The following TIAM1 variants were observed in gnomAD, a reference collection of about 807,000 sequenced individuals.
TIAM1 encodes the protein TIAM Rac1 associated GEF 1, also known as rho guanine nucleotide exchange factor TIAM1.
A neutral mutation model predicts 163.5 loss-of-function variants in TIAM1; 65 were observed. That is an observed-to-expected ratio of 0.40 (90% CI 0.33 to 0.49). TIAM1 has a LOEUF of 0.49. Ranked by LOEUF, TIAM1 falls within the 20% of genes least tolerant of loss-of-function variation. The pLI, the probability that TIAM1 is intolerant of heterozygous loss-of-function variation, is 0.77. For synonymous variants in TIAM1, 833 were observed against 810.1 expected (o/e 1.03, Z -0.48); for missense variants, 1,789 against 2,044.7 (o/e 0.87, Z 2.41).
rs573349478 is a variant in TIAM1, at chr21:31,225,172, A to AT, written c.1809+553dup. Among the ~76,000 whole-genome samples the AT allele has an allele frequency of 4.3e-4, 65 of 151,594 alleles. 2 individuals carry two copies. The South Asian group carries it at 0.012, about 27-fold the overall frequency. On this transcript the variant is annotated intron_variant, in intron 7 of 27. Coordinates refer to ENST00000541036, the MANE Select transcript of TIAM1 (RefSeq NM_001353694.2). ...GACTACAGTTGCGGCTAATTTTTGT[A>AT]TTTTTTTTGTAGAGATAGGGTTTTG...
intron 1 of TIAM1, among the ~76,000 whole-genome samples, chr21:31,554,870 A>G (rs2048820136): frequency 1.3e-5 from 2 of 152,104 alleles, no homozygotes; most frequent in Admixed American, 6.6e-5. Context: ...TCACACACGC[A>G]CTGGAGGAAT....
chr21:31,406,324 C>T (rs892170082), intron 2 of TIAM1, among the ~76,000 whole-genome samples: 1 of 152,124 alleles, frequency 6.6e-6, no homozygotes, highest in African/African-American at 2.4e-5. Context: ...GAATTTGATG[C>T]TAAAGAGGTC....
At chr21:31,396,836 A>G (rs1569296060) in intron 2 of TIAM1, among the ~76,000 whole-genome samples, 1 of 151,902 alleles carries the variant, frequency 6.6e-6, no homozygotes, top group Non-Finnish European at 1.5e-5. Flanking sequence ...CTGTAATCCG[A>G]GCTACTCAGG....
chr21:31,271,895 G>GATCCCTCT (rs1397036153), intron 3 of TIAM1, among the ~76,000 whole-genome samples: 3 of 152,122 alleles, frequency 2.0e-5, no homozygotes, highest in Admixed American at 6.6e-5. Context: ...CCAACACCAT[G>GATCCCTCT]ATCCCTCTCT....
intron 1 of TIAM1, among the ~76,000 whole-genome samples, chr21:31,545,447 G>T (rs2048456852): frequency 6.6e-6 from 1 of 152,204 alleles, no homozygotes; most frequent in Non-Finnish European, 1.5e-5. Flanking sequence ...AACTAACAAA[G>T]ACATGAATTA....
In TIAM1 at chr21:31,266,046, G is replaced by A; in HGVS notation, c.927C>T (p.Ser309=). 6.2e-7 allele frequency: 1 copy of A among 1,614,192 alleles called. No individual in the cohort carries two copies. The highest frequency in any genetic ancestry group is 8.5e-7 in the Non-Finnish European group (1 of 1,180,034). Reference sequence around the variant, plus strand: ...TAGCTCTTCTGCCTTGCATGCTGTTGCTATGGCTAATTTGTGGGTTGGTGG... The same window carrying A: ...TAGCTCTTCTGCCTTGCATGCTGTTACTATGGCTAATTTGTGGGTTGGTGG... The part of the protein sequence containing the change: ...EGATNPQISH[S]NSMQGRRAKT... Residue 309 remains serine, a synonymous_variant, in exon 4 of 28, where the codon AGC becomes AGT. Coordinates refer to ENST00000541036, the MANE Select transcript of TIAM1 (RefSeq NM_001353694.2).
chr21:31,158,332 C>A lies in TIAM1; in HGVS notation c.2992-3906G>T, dbSNP rs573861094. On this transcript the variant is annotated intron_variant, in intron 16 of 27. Transcript: ENST00000541036. ...TTGGACATTTCACAGCCTTAAGTAT[C>A]CCTTCCTTATTAGGTACGACCTAGG... Among the ~76,000 whole-genome samples, 5 of 152,218 alleles carry A rather than the reference C, an allele frequency of 3.3e-5. No individual in the cohort carries two copies. The South Asian group carries it at 1.0e-3, about 32-fold the overall frequency.
intron 15 of TIAM1, among the ~76,000 whole-genome samples, chr21:31,172,290 T>C (rs922732253): frequency 1.3e-5 from 2 of 151,896 alleles, no homozygotes; most frequent in African/African-American, 4.8e-5. Flanking sequence ...GACAACAACA[T>C]GGTCAAGTTT....
At chr21:31,486,643 G>A (rs1026030253) in intron 1 of TIAM1, among the ~76,000 whole-genome samples, 4 of 152,250 alleles carry the variant, frequency 2.6e-5, no homozygotes, top group African/African-American at 9.6e-5. Flanking sequence ...GCCAGGCTCA[G>A]GTGGAAGCTT....
At chr21:31,160,813 G>T (rs1330143814) in intron 16 of TIAM1, 1 of 284,270 alleles carries the variant, frequency 3.5e-6, no homozygotes, top group Admixed American at 5.2e-5. Context: ...CTCAGGCTTT[G>T]ATTTCACCTG....
intron 2 of TIAM1, among the ~76,000 whole-genome samples, chr21:31,373,787 A>G (rs949012079): frequency 0.11 from 16,950 of 152,204 alleles, 1,055 homozygotes; most frequent in Middle Eastern, 0.17. Flanking sequence ...TAATTCAAGA[A>G]AATGATCAAA....
rs200566630 is a variant in TIAM1, at chr21:31,409,001, CT to C, written c.-369+54981del. ...ACCTGTGTCACCCACATGCCCCCCC[CT>C]CCAGGCTTCATCAGTGCGGTGGGTC... is the stretch of plus-strand genomic sequence containing the variant. On this transcript the variant is annotated intron_variant, in intron 2 of 28. Transcript: ENST00000286827. Among the ~76,000 whole-genome samples, 384 of 151,262 alleles carry C rather than the reference CT, an allele frequency of 2.5e-3. 2 individuals are homozygous for C. Among genetic ancestry groups the C allele is most frequent in the African/African-American group, 9.1e-3 (370 of 40,816 alleles).
intron 1 of TIAM1, among the ~76,000 whole-genome samples, chr21:31,528,290 A>T (rs946695680): frequency 1.3e-5 from 2 of 151,512 alleles, no homozygotes; most frequent in African/African-American, 4.9e-5. Context: ...CAAGGCAGGA[A>T]GATTGCTTGA....
At chr21:31,217,745 C>T (rs1441197685) in intron 8 of TIAM1, 46 bp from the exon 9 acceptor site, 4 of 1,596,462 alleles carry the variant, frequency 2.5e-6, no homozygotes, top group Non-Finnish European at 3.4e-6. Context: ...TGCATCAGGA[C>T]CACCCACTTG....
chr21:31,179,047 A>T (rs2084895082), intron 15 of TIAM1, among the ~76,000 whole-genome samples: 1 of 151,084 alleles, frequency 6.6e-6, no homozygotes. Context: ...CACCACACCC[A>T]GCCTGAAGGA....
chr21:31,425,863 A>AT, intron 2 of TIAM1, among the ~76,000 whole-genome samples: 1 of 151,560 alleles, frequency 6.6e-6, no homozygotes, highest in South Asian at 2.1e-4. Context: ...CACCCACCTA[A>AT]TTTTTTGTAC....
chr21:31,545,201 A>G (rs2048450411), intron 1 of TIAM1, among the ~76,000 whole-genome samples: 2 of 152,190 alleles, frequency 1.3e-5, no homozygotes, highest in South Asian at 4.1e-4. Context: ...ACAGACACAC[A>G]TGGAGAATGC....
In TIAM1 at chr21:31,431,026, A is replaced by G. The variant is rs36033429; in HGVS notation, c.-369+32957T>C. 3.9e-5 allele frequency among the ~76,000 whole-genome samples: 6 copies of G among 152,190 alleles called. 1 individual carries two copies. Among genetic ancestry groups the G allele is most frequent in the African/African-American group, 9.7e-5 (4 of 41,450 alleles). On this transcript the variant is annotated intron_variant, in intron 2 of 28. Coordinates refer to the TIAM1 transcript ENST00000286827. ...TAATAGTAATAATAAGAACATAATG[A>G]CAATAATAATAATTCTCATCCCCAG...
intron 2 of TIAM1, among the ~76,000 whole-genome samples, chr21:31,298,735 G>GGTGTGTGTGTGTGTGTGTGT (rs147701527): frequency 1.1e-3 from 158 of 138,562 alleles, no homozygotes; most frequent in Admixed American, 2.3e-3. Context: ...TCCAATTGAG[G>GGTGTGTGTGTGTGTGTGTGT]GTGTGTGTGT....
Sources: gnomAD v4.1 joint callset for allele counts (sites outside exome capture counted in the v4.1 genomes callset) on GRCh38, gnomAD v4.1.1 for gene constraint, MANE v1.5 for transcripts, NCBI Gene and HGNC (gene_info 2026-07-23, HGNC 2026-07-21) for gene names.